GPRC5C: variants seen among roughly 807,000 people sequenced by gnomAD.
GPRC5C encodes G protein-coupled receptor family C group 5 member C.
In GPRC5C, 22 loss-of-function variants were observed where a neutral mutation model predicts 31.4. That is an observed-to-expected ratio of 0.70 (90% CI 0.50 to 1.00). The LOEUF is 1.00. Ranked by LOEUF, GPRC5C falls within the 50% of genes least tolerant of loss-of-function variation. The pLI, the probability that GPRC5C is intolerant of heterozygous loss-of-function variation, is 0.00. For synonymous variants in GPRC5C, 249 were observed against 257.5 expected, an observed-to-expected ratio of 0.97 and a Z score of 0.32; for missense variants, 557 against 597.2, an observed-to-expected ratio of 0.93 and a Z score of 0.70.
In GPRC5C at chr17:74,443,926, C is replaced by T; in HGVS notation, c.1146+14C>T. 2 of 1,565,176 alleles carry T rather than the reference C, an allele frequency of 1.3e-6. No individual in the cohort carries two copies. Among genetic ancestry groups the T allele is most frequent in the Non-Finnish European group, 1.8e-6 (2 of 1,135,942 alleles). ...CACAAAGTTCCGGTAAGTGGGTTCC[C>T]CAGGTCCCCGTGACACGTCTGGGCT... On this transcript the variant is annotated intron_variant, in intron 3 of 3. Transcript: ENST00000392627.
intron 2 of GPRC5C, among the ~76,000 whole-genome samples, chr17:74,441,753 G>A (rs1032708232): frequency 2.0e-5 from 3 of 152,094 alleles, no homozygotes; most frequent in African/African-American, 2.4e-5. Flanking sequence ...GAGCCCAGGA[G>A]GTTGAGGCTT....
intron 1 of GPRC5C, chr17:74,433,549 A>G: frequency 1.5e-6 from 1 of 672,978 alleles, no homozygotes. Context: ...CGCCCTGCAC[A>G]GAGGGGTGAG....
In GPRC5C at chr17:74,438,021, T is replaced by TTTTTC. The variant is rs548867253; in HGVS notation, c.-32-1705_-32-1701dup. On this transcript the variant is annotated intron_variant, in intron 1 of 3. Transcript: ENST00000392627. ...TGTTTCTTTAAGCATTTAAATTTTCTTTTTCTTTTCTTTTCTTTTCTTTCT... is the reference window on the plus strand; with the variant it reads ...TGTTTCTTTAAGCATTTAAATTTTCTTTTTCTTTTCTTTTCTTTTCTTTTCTTTCT... Among the ~76,000 whole-genome samples, 21 of 151,776 alleles carry TTTTTC rather than the reference T, an allele frequency of 1.4e-4. 1 individual carries two copies. The East Asian group carries it at 3.3e-3, about 24-fold the overall frequency.
At chr17:74,433,819 T>A (rs530226062) in intron 1 of GPRC5C, 17 of 1,210,362 alleles carry the variant, frequency 1.4e-5, no homozygotes, top group Non-Finnish European at 1.7e-5. Context: ...TGCGGTATCC[T>A]TGGCCCTGGT....
intron 1 of GPRC5C, among the ~76,000 whole-genome samples, chr17:74,436,738 G>T (rs773370225): frequency 3.1e-4 from 47 of 152,154 alleles, no homozygotes; most frequent in Non-Finnish European, 5.9e-4. Context: ...GCCCTTGAAA[G>T]TGCAGGTGTC....
At chr17:74,436,948 G>A (rs543507194) in intron 1 of GPRC5C, among the ~76,000 whole-genome samples, 142 of 152,152 alleles carry the variant, frequency 9.3e-4, no homozygotes, top group African/African-American at 3.2e-3. Flanking sequence ...TGTCGTTGTT[G>A]TTTTTGGTTT....
At chr17:74,449,619 C>T (rs574241367), downstream of GPRC5C, 68 of 276,536 alleles carry the variant, frequency 2.5e-4, no homozygotes, top group African/African-American at 1.2e-3. Context: ...GAGCTGTCCG[C>T]GGGCCCCCAG....
chr17:74,440,215 A>T lies in GPRC5C; in HGVS notation c.439A>T (p.Lys147Ter). 2 of 1,614,090 alleles carry T rather than the reference A, an allele frequency of 1.2e-6. No homozygotes were observed. Among genetic ancestry groups the T allele is most frequent in the Non-Finnish European group, 1.7e-6 (2 of 1,179,998 alleles). ...CTTTGCCCTCAACTTCCTGGCCCGGAAGAACCACGGGCCCCGGGGCTGGGT... is the reference window on the plus strand; with the variant it reads ...CTTTGCCCTCAACTTCCTGGCCCGGTAGAACCACGGGCCCCGGGGCTGGGT... ...HVFALNFLAR[K>*]NHGPRGWVIF... is the part of the protein sequence containing the mutation. Residue 147 changes from lysine to a stop codon, truncating the protein, a stop_gained, in exon 2 of 4, where the codon AAG becomes TAG. Coordinates refer to ENST00000392627, the MANE Select transcript of GPRC5C (RefSeq NM_022036.4). LOFTEE classifies it high-confidence loss of function. The surrounding 1 kb of genome is among the most constrained non-coding windows in gnomAD (Gnocchi z 4.4).
chr17:74,434,199 T>A (rs1275154479), intron 1 of GPRC5C, among the ~76,000 whole-genome samples: 2 of 152,184 alleles, frequency 1.3e-5, no homozygotes, highest in African/African-American at 4.8e-5. Flanking sequence ...GAAAATAATC[T>A]GAGGCTGGAG....
chr17:74,440,348 A>T lies in GPRC5C; in HGVS notation c.572A>T (p.Asn191Ile). The T allele has an allele frequency of 6.2e-7, 1 of 1,614,152 alleles. No homozygotes were observed. The highest frequency in any genetic ancestry group is 8.5e-7 in the Non-Finnish European group (1 of 1,180,018). ...RGSGEGGPQG[N>I]SSAGWAVASP... ...AGTGGCGAGGGCGGCCCTCAGGGCA[A>T]CAGCAGCGCAGGCTGGGCCGTGGCC... The change falls in exon 2 of 4, where the codon AAC becomes ATC. Residue 191 changes from asparagine to isoleucine, a missense_variant. Physicochemically the swap from Asn to Ile is moderately radical, Grantham distance 149. Coordinates refer to ENST00000392627, the MANE Select transcript of GPRC5C (RefSeq NM_022036.4). The surrounding 1 kb of genome is among the most constrained non-coding windows in gnomAD (Gnocchi z 4.4).
chr17:74,434,988 A>G (rs2055412159), intron 1 of GPRC5C, among the ~76,000 whole-genome samples: 1 of 152,030 alleles, frequency 6.6e-6, no homozygotes, highest in East Asian at 1.9e-4. Flanking sequence ...GGGAGGCCGA[A>G]GCGGGCGGAT....
Position 74,440,281 on chromosome 17 carries a change from A to G in GPRC5C, c.505A>G (p.Ile169Val). 6.2e-7 allele frequency: 1 copy of G among 1,614,198 alleles called. No individual in the cohort carries two copies. The highest frequency in any genetic ancestry group is 1.1e-5 in the South Asian group (1 of 91,086). Residue 169 changes from isoleucine (I) to valine (V), a missense_variant, in exon 2 of 4, where the codon ATC becomes GTC. By Grantham distance (29) the Ile-to-Val change is conservative. Coordinates refer to ENST00000392627, the MANE Select transcript of GPRC5C (RefSeq NM_022036.4). The surrounding 1 kb of genome is among the most constrained non-coding windows in gnomAD (Gnocchi z 4.4). The part of the protein sequence containing the change: ...VALLLTLVEV[I>V]INTEWLIITL... ...TCTGCTGCTGACCCTGGTAGAGGTCATCATCAATACAGAGTGGCTGATCAT... is the reference window on the plus strand; with the variant it reads ...TCTGCTGCTGACCCTGGTAGAGGTCGTCATCAATACAGAGTGGCTGATCAT...
At chr17:74,444,985 C>T (rs1250512814) in intron 3 of GPRC5C, among the ~76,000 whole-genome samples, 1 of 152,166 alleles carries the variant, frequency 6.6e-6, no homozygotes. Flanking sequence ...CACAATGGCT[C>T]ACACCTGTAA....
chr17:74,448,136 T>G (rs1454627618), downstream of GPRC5C, among the ~76,000 whole-genome samples: 1 of 152,076 alleles, frequency 6.6e-6, no homozygotes, highest in Non-Finnish European at 1.5e-5. Context: ...TAGTGAGACC[T>G]TGTTTCTACA....
At position 74,433,922 on chromosome 17, in the gene GPRC5C, C is replaced by T. The variant is rs531332357; in HGVS notation, c.-33+1781C>T. ...AAGTGAGAAGGCCTGGCTGTCTCCC[C>T]GGTTGCTGGATGAAGCCACTTGTTG... On this transcript the variant is annotated intron_variant, in intron 1 of 3. Transcript: ENST00000392627. Among the ~76,000 whole-genome samples, 8 of 152,256 alleles carry T rather than the reference C, an allele frequency of 5.3e-5. No homozygotes were observed. In the South Asian group the frequency reaches 6.2e-4, roughly 12 times the overall value.
At chr17:74,443,382 G>T in intron 2 of GPRC5C, 1 of 338,230 alleles carries the variant, frequency 3.0e-6, no homozygotes, top group Non-Finnish European at 5.8e-6. Flanking sequence ...AGGGCTCTCA[G>T]ATGTATTTAC....
chr17:74,434,082 A>T (rs2055397002), intron 1 of GPRC5C, among the ~76,000 whole-genome samples: 1 of 152,024 alleles, frequency 6.6e-6, no homozygotes, highest in Non-Finnish European at 1.5e-5. Flanking sequence ...CTCACAGGAG[A>T]GCTGGGGGCA....
rs765992502 is a variant in GPRC5C at position 74,440,318 on chromosome 17, G to A, written c.542G>A (p.Arg181Gln). Residue 181 changes from arginine to glutamine, a missense_variant, in exon 2 of 4, where the codon CGG (arginine) becomes CAG (glutamine). Coordinates refer to ENST00000392627, the MANE Select transcript of GPRC5C (RefSeq NM_022036.4). The surrounding 1 kb of genome is among the most constrained non-coding windows in gnomAD (Gnocchi z 4.4). ...GAGTGGCTGATCATCACCCTGGTTC[G>A]GGGCAGTGGCGAGGGCGGCCCTCAG... ...NTEWLIITLV[R>Q]GSGEGGPQGN... 5 of 1,614,188 alleles carry A rather than the reference G, an allele frequency of 3.1e-6. No individual in the cohort carries two copies. The highest frequency in any genetic ancestry group is 2.2e-5 in the East Asian group (1 of 44,872).
chr17:74,438,353 C>T (rs751412675), intron 1 of GPRC5C, among the ~76,000 whole-genome samples: 121 of 150,784 alleles, frequency 8.0e-4, no homozygotes, highest in East Asian at 3.3e-3. Context: ...TTCCACCTCC[C>T]GGGCTCAAGC....
Sources: gnomAD v4.1 joint callset for allele counts (sites outside exome capture counted in the v4.1 genomes callset) on GRCh38, gnomAD v4.1.1 for gene constraint, Gnocchi (gnomAD v3.1) non-coding constraint, MANE v1.5 for transcripts, NCBI Gene and HGNC (gene_info 2026-07-23, HGNC 2026-07-21) for gene names.